Variants in NAA35 observed in about 807,000 individuals in gnomAD.
The protein encoded by NAA35 is N-alpha-acetyltransferase 35, NatC auxiliary subunit.
In NAA35, 18 loss-of-function variants were observed where a neutral mutation model predicts 101.7. That is an observed-to-expected ratio of 0.18 (90% CI 0.12 to 0.26). NAA35 has a LOEUF of 0.26. Ranked by LOEUF, NAA35 falls within the 10% of genes least tolerant of loss-of-function variation. The probability of loss-of-function intolerance (pLI) is 1.00; values close to 1 mark genes in which losing one functional copy is unlikely to be tolerated. For missense variants in NAA35, 601 were observed against 886.8 expected, an observed-to-expected ratio of 0.68 and a Z score of 4.09; for synonymous variants, 267 against 273.1, an observed-to-expected ratio of 0.98 and a Z score of 0.22.
intron 11 of NAA35, among the ~76,000 whole-genome samples, chr9:85,989,253 A>G (rs1309514005): frequency 6.6e-6 from 1 of 151,894 alleles, no homozygotes; most frequent in Non-Finnish European, 1.5e-5. Context: ...TGGGCGGATC[A>G]TGAGGTCAGG....
intron 14 of NAA35, among the ~76,000 whole-genome samples, chr9:86,008,094 A>C (rs1335876380): frequency 6.6e-6 from 1 of 152,190 alleles, no homozygotes; most frequent in Non-Finnish European, 1.5e-5. Context: ...TTGCATGTAC[A>C]TAATGTTGCT....
intron 10 of NAA35, among the ~76,000 whole-genome samples, 172 bp from the exon 11 acceptor site, chr9:85,978,095 C>G (rs1284369658): frequency 6.6e-6 from 1 of 151,666 alleles, no homozygotes; most frequent in East Asian, 1.9e-4. Context: ...GTAAAAAAAC[C>G]ATTTTCTATC....
chr9:85,976,512 G>T (rs1830218840), intron 8 of NAA35, among the ~76,000 whole-genome samples, 173 bp from the exon 9 acceptor site: 1 of 152,012 alleles, frequency 6.6e-6, no homozygotes, highest in Admixed American at 6.6e-5. Flanking sequence ...TGACCTTTCT[G>T]TGTATAGGAT....
intron 12 of NAA35, among the ~76,000 whole-genome samples, chr9:85,999,294 C>T (rs1333789788): frequency 6.6e-6 from 1 of 152,126 alleles, no homozygotes; most frequent in Non-Finnish European, 1.5e-5. Flanking sequence ...TCTTCTGCCA[C>T]ATTGACTTTT....
intron 15 of NAA35, among the ~76,000 whole-genome samples, chr9:86,010,569 AT>A (rs377654981): frequency 0.24 from 28,541 of 118,680 alleles, 4,057 homozygotes; most frequent in African/African-American, 0.44. Flanking sequence ...TAACCTTAGA[AT>A]TTTTTTTTTT....
intron 21 of NAA35, among the ~76,000 whole-genome samples, 199 bp downstream of exon 21, chr9:86,019,020 T>C (rs779895885): frequency 2.0e-5 from 3 of 152,204 alleles, no homozygotes; most frequent in African/African-American, 4.8e-5. Context: ...TGAGGTGATA[T>C]AAATATCTGC....
intron 2 of NAA35, among the ~76,000 whole-genome samples, chr9:85,950,250 G>A (rs1828958889): frequency 6.6e-6 from 1 of 152,064 alleles, no homozygotes; most frequent in Non-Finnish European, 1.5e-5. Flanking sequence ...GATTTCTGAA[G>A]TTCTTTTTTT....
chr9:86,013,654 T>G, intron 16 of NAA35, 65 bp from the exon 17 acceptor site: 1 of 1,459,680 alleles, frequency 6.9e-7, no homozygotes, highest in Non-Finnish European at 9.3e-7. Flanking sequence ...GTACGTTTTT[T>G]TAAAGTTCTG....
chr9:85,997,413 C>T (rs1831211014), intron 12 of NAA35, among the ~76,000 whole-genome samples: 2 of 151,506 alleles, frequency 1.3e-5, no homozygotes, highest in African/African-American at 4.9e-5. Flanking sequence ...GTGATCTTAG[C>T]TCCCTGCAAC....
intron 2 of NAA35, among the ~76,000 whole-genome samples, chr9:85,952,124 T>C (rs1829045001): frequency 6.6e-6 from 1 of 152,188 alleles, no homozygotes; most frequent in African/African-American, 2.4e-5. Context: ...AGCTCAAATT[T>C]TATTATTGGC....
At chr9:85,950,830 A>G (rs1019072804) in intron 2 of NAA35, among the ~76,000 whole-genome samples, 6 of 152,280 alleles carry the variant, frequency 3.9e-5, no homozygotes, top group Non-Finnish European at 7.4e-5. Flanking sequence ...GACATTTAAA[A>G]AATATCCATT....
chr9:85,951,835 T>A lies in NAA35; in HGVS notation c.125-4525T>A, dbSNP rs185561993. On this transcript the variant is annotated intron_variant, in intron 2 of 22. Transcript: ENST00000361671. ...CCACCATGCCTGGCTAATTTTTGTA[T>A]TTTTAGTAGAGACGGGGTTTCGCCA... is the stretch of plus-strand genomic sequence containing the variant. Among the ~76,000 whole-genome samples, 53 of 152,264 alleles carry A rather than the reference T, an allele frequency of 3.5e-4. No homozygotes were observed. In the East Asian group the frequency reaches 9.1e-3, roughly 26 times the overall value.
At chr9:86,018,128 C>T in intron 19 of NAA35, 127 bp from the exon 20 acceptor site, 1 of 783,040 alleles carries the variant, frequency 1.3e-6, no homozygotes. Flanking sequence ...ATTATATGTC[C>T]TCATTTCTTC....
intron 13 of NAA35, among the ~76,000 whole-genome samples, chr9:86,004,366 A>G (rs1233945433): frequency 2.0e-5 from 3 of 151,946 alleles, no homozygotes; most frequent in Non-Finnish European, 2.9e-5. Flanking sequence ...CAGCCTCCCA[A>G]AGTGCTAGGA....
chr9:86,007,517 C>G (rs2118373652), intron 14 of NAA35, 53 bp downstream of exon 14: 1 of 1,355,758 alleles, frequency 7.4e-7, no homozygotes, highest in East Asian at 2.3e-5. Context: ...TTTAAAAGCC[C>G]AACTTCTCTG....
Position 85,965,380 on chromosome 9 carries a change from C to A in NAA35, c.516+3200C>A, listed in dbSNP as rs565046194. Among the ~76,000 whole-genome samples, 2 of 152,286 alleles carry A rather than the reference C, an allele frequency of 1.3e-5. 1 individual carries two copies. Among genetic ancestry groups the A allele is most frequent in the African/African-American group, 4.8e-5 (2 of 41,554 alleles). ...GGTGGCTCATGCCTATTAATCCCAG[C>A]ACTTTGGAAGGATGAAGTGGGCGGA... On this transcript the variant is annotated intron_variant, in intron 6 of 22. Transcript: ENST00000361671.
chr9:85,983,070 C>T (rs1459945479), intron 11 of NAA35, among the ~76,000 whole-genome samples: 1 of 152,074 alleles, frequency 6.6e-6, no homozygotes, highest in Non-Finnish European at 1.5e-5. Flanking sequence ...AAATTTCATC[C>T]CCCTTTTTGC....
At chr9:86,016,143 A>G (rs1388823797) in intron 17 of NAA35, among the ~76,000 whole-genome samples, 2 of 133,970 alleles carry the variant, frequency 1.5e-5, no homozygotes, top group African/African-American at 8.2e-5. Context: ...AAACTCAAGT[A>G]AATTGTAAAT....
intron 6 of NAA35, among the ~76,000 whole-genome samples, chr9:85,967,571 G>A (rs1021704001): frequency 6.6e-6 from 1 of 152,060 alleles, no homozygotes; most frequent in African/African-American, 2.4e-5. Flanking sequence ...ACTTTGAGAG[G>A]CCCGAGGTGG....
Sources: allele counts gnomAD v4.1 joint callset (sites outside exome capture counted in the v4.1 genomes callset), GRCh38; gene constraint gnomAD v4.1.1; transcripts MANE v1.5; gene names NCBI Gene and HGNC (gene_info 2026-07-23, HGNC 2026-07-21).